The following THYN1 variants were observed in gnomAD, a reference collection of about 807,000 sequenced individuals.
The protein encoded by THYN1 is thymocyte protein thy28.
A neutral mutation model predicts 30.6 loss-of-function variants in THYN1; 32 were observed. The ratio of observed to expected loss-of-function variants is 1.05; its 90% CI spans 0.79 to 1.40. The LOEUF is 1.40. Ranked by LOEUF, THYN1 falls within the 40% of genes most tolerant of loss-of-function variation. The pLI, the probability that THYN1 is intolerant of heterozygous loss-of-function variation, is 0.00. For synonymous variants in THYN1, 107 were observed against 90.8 expected (o/e 1.18, Z -1.01); for missense variants, 259 against 272.6 (o/e 0.95, Z 0.35).
chr11:134,253,219 T>C lies in THYN1; in HGVS notation c.-337A>G, dbSNP rs1939211694. ...TTGTTGGGTGAATATAAGTAAGCCTTGTGTTACCTTGTTATCCTTGCTAAT... is the reference window on the plus strand; with the variant it reads ...TTGTTGGGTGAATATAAGTAAGCCTCGTGTTACCTTGTTATCCTTGCTAAT... On this transcript the variant is annotated 5_prime_UTR_variant, in exon 1 of 7. Coordinates refer to ENST00000341541, the MANE Select transcript of THYN1 (RefSeq NM_014174.3). The C allele has an allele frequency of 7.6e-7, 1 of 1,321,094 alleles. No homozygotes were observed. The highest frequency in any genetic ancestry group is 9.6e-7 in the Non-Finnish European group (1 of 1,036,968). The allele number at this position is 1,321,094 out of a possible 1,614,324, so 81.8% of individuals were successfully genotyped here.
intron 3 of THYN1, 30 bp downstream of exon 3, chr11:134,250,245 T>A (rs779017603): frequency 5.0e-5 from 80 of 1,613,610 alleles, no homozygotes; most frequent in Non-Finnish European, 6.7e-5. Flanking sequence ...CCCACCTGGG[T>A]CTCAGGCGAC....
In THYN1 at chr11:134,252,831, G is replaced by A; in HGVS notation, c.43+9C>T. On this transcript the variant is annotated intron_variant, in intron 1 of 6. Transcript: ENST00000341541. ...TGGGCTGCCTTTGTGCAGCCTAGGG[G>A]CAGCTCACCTGAACCAGAAGTCCCA... The A allele has an allele frequency of 6.2e-7, 1 of 1,613,618 alleles. No individual in the cohort carries two copies. The highest frequency in any genetic ancestry group is 1.1e-5 in the South Asian group (1 of 91,046).
chr11:134,252,826 T>C lies in THYN1; in HGVS notation c.43+14A>G. ...TTTCTTGGGCTGCCTTTGTGCAGCC[T>C]AGGGGCAGCTCACCTGAACCAGAAG... On this transcript the variant is annotated intron_variant, in intron 1 of 6. Transcript: ENST00000341541. 2.5e-6 allele frequency: 4 copies of C among 1,613,756 alleles called. No homozygotes were observed. Among genetic ancestry groups the C allele is most frequent in the South Asian group, 1.1e-5 (1 of 91,058 alleles).
At chr11:134,251,066 TC>T in intron 2 of THYN1, 63 bp downstream of exon 2, 1 of 1,470,204 alleles carries the variant, frequency 6.8e-7, no homozygotes, top group Middle Eastern at 2.5e-4. Flanking sequence ...CCCTATGGTG[TC>T]CCATATTCAC....
At chr11:134,251,473 T>A in intron 1 of THYN1, 165 bp from the exon 2 acceptor site, 1 of 735,692 alleles carries the variant, frequency 1.4e-6, no homozygotes, top group Non-Finnish European at 2.2e-6. Context: ...CTATAAAAAT[T>A]AGACAAGAAT....
In THYN1 at chr11:134,250,268, CT is replaced by C; in HGVS notation, c.291+6del. ...GGTCTCAGGCGACCTCCTCCTTACC[CT>C]CTTACCTGGTAGTTACGAACACCAT... On this transcript the variant is annotated splice_donor_region_variant and intron_variant, in intron 3 of 6. Coordinates refer to ENST00000341541, the MANE Select transcript of THYN1 (RefSeq NM_014174.3). 6.2e-7 allele frequency: 1 copy of C among 1,614,124 alleles called. No individual in the cohort carries two copies. Among genetic ancestry groups the C allele is most frequent in the South Asian group, 1.1e-5 (1 of 91,076 alleles).
At position 134,250,293 on chromosome 11, in the gene THYN1, A is replaced by G; in HGVS notation, c.273T>C (p.Asp91=). The change falls in exon 3 of 7, where the codon GAT becomes GAC. Residue 91 remains aspartate (D), a synonymous_variant. Transcript: ENST00000341541. ...KAQPKQTTCW[D]GVRNYQARNF... ...CTCTTACCTGGTAGTTACGAACACC[A>G]TCCCAGCATGTTGTCTGTTTGGGCT... The G allele has an allele frequency of 2.5e-6, 4 of 1,614,200 alleles. No homozygotes were observed. The highest frequency in any genetic ancestry group is 3.4e-6 in the Non-Finnish European group (4 of 1,180,020).
rs776173401 is a variant in THYN1, at chr11:134,250,280, A to G, written c.286T>C (p.Tyr96His). Residue 96 changes from tyrosine (Y) to histidine (H), a missense_variant, in exon 3 of 7, where the codon TAC (tyrosine) becomes CAC (histidine). Physicochemically the swap from Tyr to His is moderately conservative, Grantham distance 83. Transcript: ENST00000341541. ...CCTCCTCCTTACCCTCTTACCTGGTAGTTACGAACACCATCCCAGCATGTT... is the reference window on the plus strand; with the variant it reads ...CCTCCTCCTTACCCTCTTACCTGGTGGTTACGAACACCATCCCAGCATGTT... Reference protein sequence around the residue: ...QTTCWDGVRNYQARNFLRAMK... With the variant: ...QTTCWDGVRNHQARNFLRAMK... The G allele has an allele frequency of 5.0e-5, 80 of 1,614,098 alleles. No homozygotes were observed. Among genetic ancestry groups the G allele is most frequent in the Non-Finnish European group, 5.9e-6 (7 of 1,180,034 alleles).
chr11:134,249,801 A>G (rs1938962939), intron 4 of THYN1, 27 bp downstream of exon 4: 1 of 1,609,640 alleles, frequency 6.2e-7, no homozygotes, highest in Non-Finnish European at 8.5e-7. Flanking sequence ...AGGAAAAGGG[A>G]TTCACACCAA....
intron 5 of THYN1, 72 bp downstream of exon 5, chr11:134,249,095 A>C: frequency 6.4e-7 from 1 of 1,555,966 alleles, no homozygotes; most frequent in Non-Finnish European, 8.8e-7. Flanking sequence ...ACCTTGACCT[A>C]CAGTCACCCC....
At chr11:134,248,644 A>G (rs141146037) in intron 6 of THYN1, among the ~76,000 whole-genome samples, 160 bp from the exon 7 acceptor site, 1 of 152,340 alleles carries the variant, frequency 6.6e-6, no homozygotes, top group East Asian at 1.9e-4. Context: ...GTACTGGGTA[A>G]TAGTAACAGG....
At chr11:134,252,675 G>A (rs1174231222) in intron 1 of THYN1, among the ~76,000 whole-genome samples, 165 bp downstream of exon 1, 1 of 152,230 alleles carries the variant, frequency 6.6e-6, no homozygotes, top group East Asian at 1.9e-4. Flanking sequence ...CTGTAGGTAG[G>A]AGCTTGGTGA....
chr11:134,249,387 C>A, intron 4 of THYN1, 125 bp from the exon 5 acceptor site: 1 of 837,984 alleles, frequency 1.2e-6, no homozygotes, highest in Non-Finnish European at 2.0e-6. Flanking sequence ...GCTGTACAGC[C>A]AATGGGGGCT....
Position 134,253,290 on chromosome 11 carries a change from G to A in THYN1, c.-408C>T. ...ATCTAGATGATGAAGTAATTTGCTG[G>A]CTACAGACCCAACACTCTGCAGACT... On this transcript the variant is annotated 5_prime_UTR_variant, in exon 1 of 7. Transcript: ENST00000341541. 1 of 1,363,528 alleles carries A rather than the reference G, an allele frequency of 7.3e-7. No homozygotes were observed. The highest frequency in any genetic ancestry group is 9.4e-7 in the Non-Finnish European group (1 of 1,059,446). 84.5% of individuals were successfully genotyped at this position (1,363,528 alleles called of 1,614,324 possible).
intron 5 of THYN1, 47 bp from the exon 6 acceptor site, chr11:134,249,006 T>A: frequency 6.2e-7 from 1 of 1,608,136 alleles, no homozygotes; most frequent in Non-Finnish European, 8.5e-7. Context: ...CTAGGCTGAC[T>A]GTGCCCACTG....
intron 1 of THYN1, 110 bp downstream of exon 1, chr11:134,252,730 A>T: frequency 7.9e-7 from 1 of 1,268,588 alleles, no homozygotes. Context: ...ATGGAGTAAA[A>T]ATATCACAAA....
At position 134,249,380 on chromosome 11, in the gene THYN1, G is replaced by A. The variant is rs574379640; in HGVS notation, c.385-118C>T. The A allele has an allele frequency of 5.4e-5, 52 of 958,530 alleles. No individual in the cohort carries two copies. In the African/African-American group the frequency reaches 7.4e-4, roughly 14 times the overall value. The allele number at this position is 958,530 out of a possible 1,614,324, so 59.4% of individuals were successfully genotyped here. A position where few individuals can be genotyped will look rare whatever the true frequency, so the allele number is the denominator to read the frequency against. The stretch of plus-strand genomic sequence containing the variant: ...ACATTCTTAACCCATCTGCCTTGCT[G>A]TACAGCCAATGGGGGCTCAGATATT... On this transcript the variant is annotated intron_variant, in intron 4 of 6. Coordinates refer to ENST00000341541, the MANE Select transcript of THYN1 (RefSeq NM_014174.3).
Position 134,249,230 on chromosome 11 carries a change from CTG to C in THYN1, c.415_416del (p.Gln139ValfsTer2), listed in dbSNP as rs763346213. 1.4e-5 allele frequency: 22 copies of C among 1,614,100 alleles called. No homozygotes were observed. Among genetic ancestry groups the C allele is most frequent in the Non-Finnish European group, 1.6e-5 (19 of 1,180,050 alleles). Reference sequence around the variant, plus strand: ...CATAATGGGGATTGTTTTTCTCAAACTGTGTGTGGTCTGGGTAAGCCTCTTTC... The same window carrying C: ...CATAATGGGGATTGTTTTTCTCAAACTGTGTGGTCTGGGTAAGCCTCTTTC... The part of the protein sequence containing the change: ...IVKEAYPDHT[Q>X]FEKNNPHYDP... On this transcript the variant is annotated frameshift_variant, in exon 5 of 7. Transcript: ENST00000341541. LOFTEE classifies it high-confidence loss of function.
intron 1 of THYN1, chr11:134,252,041 T>C (rs1939093030): frequency 6.6e-6 from 1 of 152,268 alleles, no homozygotes; most frequent in Non-Finnish European, 1.5e-5. Context: ...ATGCTCCAGA[T>C]CACACATCCA....
Sources: allele counts gnomAD v4.1 joint callset (sites outside exome capture counted in the v4.1 genomes callset), GRCh38; gene constraint gnomAD v4.1.1; transcripts MANE v1.5; gene names NCBI Gene and HGNC (gene_info 2026-07-23, HGNC 2026-07-21).